COLEC12: variants seen among roughly 807,000 people sequenced by gnomAD.
COLEC12 encodes collectin subfamily member 12, also known as collectin-12.
COLEC12 carries 33 observed loss-of-function variants against 71.1 expected under a neutral mutation model. The ratio of observed to expected loss-of-function variants is 0.46; its 90% CI spans 0.35 to 0.62. The LOEUF (loss-of-function observed/expected upper bound fraction) is 0.62, where lower values mean the gene tolerates loss of function less well. Ranked by LOEUF, COLEC12 falls within the 20% of genes least tolerant of loss-of-function variation. The pLI is 0.00. For missense variants in COLEC12, 765 were observed against 916.1 expected (o/e 0.84, Z 2.13); for synonymous variants, 350 against 353.0 (o/e 0.99, Z 0.10).
intron 2 of COLEC12, among the ~76,000 whole-genome samples, chr18:459,322 T>C (rs936657794): frequency 6.6e-5 from 10 of 152,230 alleles, no homozygotes; most frequent in Admixed American, 6.5e-4. Flanking sequence ...CCAGTCAATG[T>C]CAATCTGCCA....
chr18:471,836 G>GC (rs935310622), intron 2 of COLEC12, among the ~76,000 whole-genome samples: 2 of 151,958 alleles, frequency 1.3e-5, no homozygotes, highest in South Asian at 2.1e-4. Flanking sequence ...ACCAGAGACA[G>GC]CCCATTCCCT....
chr18:450,134 T>C (rs1037948415), intron 2 of COLEC12, among the ~76,000 whole-genome samples: 1 of 152,226 alleles, frequency 6.6e-6, no homozygotes, highest in Non-Finnish European at 1.5e-5. Context: ...ACAAAGTTAC[T>C]GATGAAAACA....
intron 8 of COLEC12, among the ~76,000 whole-genome samples, chr18:325,627 C>CTTTTTT (rs760407917): frequency 0.035 from 1,807 of 51,830 alleles, 312 homozygotes; most frequent in Non-Finnish European, 0.04. Context: ...AAGGATCAGC[C>CTTTTTT]TTTTTTTTTT....
At chr18:429,818 C>T (rs1001876641) in intron 2 of COLEC12, among the ~76,000 whole-genome samples, 2 of 152,286 alleles carry the variant, frequency 1.3e-5, no homozygotes, top group Non-Finnish European at 1.5e-5. Context: ...GCCCTATGAT[C>T]GTAAAGATTC....
intron 2 of COLEC12, among the ~76,000 whole-genome samples, chr18:422,606 A>G (rs1285682503): frequency 2.0e-5 from 3 of 151,978 alleles, no homozygotes; most frequent in African/African-American, 7.2e-5. Context: ...CCCAGAGGTA[A>G]CTACTGTTAA....
intron 5 of COLEC12, among the ~76,000 whole-genome samples, chr18:344,321 C>T (rs906484896): frequency 1.3e-5 from 2 of 152,178 alleles, no homozygotes; most frequent in African/African-American, 4.8e-5. Context: ...TTAGTGAACA[C>T]CCACTAGTCT....
At chr18:431,625 A>G (rs139839898) in intron 2 of COLEC12, among the ~76,000 whole-genome samples, 1 of 152,318 alleles carries the variant, frequency 6.6e-6, no homozygotes, top group East Asian at 1.9e-4. Context: ...CAAGGTAATG[A>G]GTGTGACATG....
intron 2 of COLEC12, among the ~76,000 whole-genome samples, chr18:392,413 A>G (rs1246146346): frequency 6.6e-6 from 1 of 152,244 alleles, no homozygotes; most frequent in Non-Finnish European, 1.5e-5. Flanking sequence ...TAATGTGATA[A>G]TCACACGACT....
At chr18:343,093 G>A (rs751807834) in intron 5 of COLEC12, among the ~76,000 whole-genome samples, 6 of 151,968 alleles carry the variant, frequency 3.9e-5, no homozygotes, top group African/African-American at 9.7e-5. Context: ...TGCCAGTCTC[G>A]TCCAGACACT....
chr18:365,357 G>A (rs963957147), intron 2 of COLEC12, among the ~76,000 whole-genome samples: 4 of 152,204 alleles, frequency 2.6e-5, no homozygotes, highest in Non-Finnish European at 5.9e-5. Context: ...ATCTCCCAAT[G>A]CTGAGGGAGT....
intron 2 of COLEC12, among the ~76,000 whole-genome samples, chr18:365,817 G>A (rs537325597): frequency 7.7e-4 from 118 of 152,258 alleles, no homozygotes; most frequent in African/African-American, 2.7e-3. Context: ...GACCATGTTG[G>A]CACTCAGAAT....
At chr18:489,084 A>G (rs1177819311) in intron 1 of COLEC12, among the ~76,000 whole-genome samples, 1 of 152,188 alleles carries the variant, frequency 6.6e-6, no homozygotes, top group Non-Finnish European at 1.5e-5. Flanking sequence ...AAGGCTCATC[A>G]TCATAAAATT....
At chr18:443,680 G>T (rs572198843) in intron 2 of COLEC12, among the ~76,000 whole-genome samples, 6 of 152,142 alleles carry the variant, frequency 3.9e-5, no homozygotes, top group Non-Finnish European at 8.8e-5. Flanking sequence ...TGTTAGCATG[G>T]GAAGGAGAAA....
chr18:412,988 C>T (rs376206551), intron 2 of COLEC12, among the ~76,000 whole-genome samples: 8 of 152,088 alleles, frequency 5.3e-5, no homozygotes, highest in South Asian at 2.1e-4. Context: ...TAAAGCATTA[C>T]GATTTAAAGA....
In COLEC12 at chr18:347,098, T is replaced by C. The variant is rs1004000361; in HGVS notation, c.524A>G (p.Asn175Ser). 2.0e-5 allele frequency: 33 copies of C among 1,614,114 alleles called. No homozygotes were observed. In the Admixed American group the frequency reaches 4.5e-4, roughly 22 times the overall value. ...TTGCTGCAGATTCGTGACATAGCCATTATACGCCTGGAGGGTTTTGTTTAC... is the reference window on the plus strand; with the variant it reads ...TTGCTGCAGATTCGTGACATAGCCACTATACGCCTGGAGGGTTTTGTTTAC... Reference protein sequence around the residue: ...TTVNKTLQAYNGYVTNLQQDT... With the variant: ...TTVNKTLQAYSGYVTNLQQDT... The change falls in exon 5 of 10, where the codon AAT becomes AGT. Residue 175 changes from asparagine to serine, a missense_variant. Asn to Ser is a conservative substitution (Grantham distance 46). Transcript: ENST00000400256.
rs141373198 is a variant in COLEC12 at position 411,358 on chromosome 18, A to C, written c.59-53836T>G. ...CAAGAGACAGGAAGATCTTAAATGC[A>C]ATGAAAAATGACAATCAATAGATGC... On this transcript the variant is annotated intron_variant, in intron 2 of 9. Coordinates refer to ENST00000400256, the MANE Select transcript of COLEC12 (RefSeq NM_130386.3). 9.1e-3 allele frequency among the ~76,000 whole-genome samples: 1,385 copies of C among 152,336 alleles called. 8 individuals are homozygous for C. The highest frequency in any genetic ancestry group is 0.02 in the Middle Eastern group (6 of 294).
chr18:402,519 G>A (rs1481849636), intron 2 of COLEC12, among the ~76,000 whole-genome samples: 1 of 152,068 alleles, frequency 6.6e-6, no homozygotes, highest in Non-Finnish European at 1.5e-5. Flanking sequence ...GTTAAGCATG[G>A]CCGGATGACA....
In COLEC12 at chr18:327,406, A is replaced by G. The variant is rs1423161899; in HGVS notation, c.2063+4262T>C. On this transcript the variant is annotated intron_variant, in intron 8 of 9. Transcript: ENST00000400256. The surrounding 1 kb of genome is among the most constrained non-coding windows in gnomAD (Gnocchi z 4.0). ...AAGCATCTGGGGACCCATCCTTGGA[A>G]CTGTCCGGGCCATTGCAGGTGGCAT... is the stretch of plus-strand genomic sequence containing the variant. Among the ~76,000 whole-genome samples, 1 of 152,136 alleles carries G rather than the reference A, an allele frequency of 6.6e-6. No homozygotes were observed. Among genetic ancestry groups the G allele is most frequent in the East Asian group, 1.9e-4 (1 of 5,188 alleles).
intron 2 of COLEC12, among the ~76,000 whole-genome samples, chr18:400,959 A>C (rs1915672709): frequency 6.6e-6 from 1 of 152,226 alleles, no homozygotes; most frequent in South Asian, 2.1e-4. Context: ...CATATGGTCC[A>C]GCTTCCTGAA....
Sources: gnomAD v4.1 joint callset for allele counts (sites outside exome capture counted in the v4.1 genomes callset) on GRCh38, gnomAD v4.1.1 for gene constraint, Gnocchi (gnomAD v3.1) non-coding constraint, MANE v1.5 for transcripts, NCBI Gene and HGNC (gene_info 2026-07-23, HGNC 2026-07-21) for gene names.